The following PGR variants were observed in gnomAD, a reference collection of about 807,000 sequenced individuals.
The protein encoded by PGR is nuclear receptor subfamily 3 group C member 3.
PGR carries 25 observed loss-of-function variants against 76.1 expected under a neutral mutation model. The observed-to-expected ratio is 0.33, with a 90% CI of 0.24 to 0.46. PGR has a LOEUF of 0.46. PGR is among the 20% of genes least tolerant of loss of function. The pLI, the probability that PGR is intolerant of heterozygous loss-of-function variation, is 1.00. For synonymous variants in PGR, 579 were observed against 535.0 expected (o/e 1.08, Z -1.14); for missense variants, 1,172 against 1,225.3 (o/e 0.96, Z 0.65).
At chr11:101,102,902 T>C (rs2135473658) in intron 2 of PGR, among the ~76,000 whole-genome samples, 2 of 151,836 alleles carry the variant, frequency 1.3e-5, no homozygotes, top group Middle Eastern at 3.4e-3. Flanking sequence ...AGGATGAAAT[T>C]GTTCCACTTC....
At chr11:101,126,228 A>C in intron 1 of PGR, 70 bp from the exon 2 acceptor site, 1 of 1,403,992 alleles carries the variant, frequency 7.1e-7, no homozygotes, top group South Asian at 1.2e-5. Context: ...AGGTTTCTTA[A>C]ACCAGTATTA....
chr11:101,062,188 G>C (rs1203409839), intron 4 of PGR, among the ~76,000 whole-genome samples: 1 of 152,068 alleles, frequency 6.6e-6, no homozygotes. Flanking sequence ...ATAAACCTAA[G>C]CTATTTCTTA....
At chr11:101,080,789 G>T (rs1454916510) in intron 3 of PGR, among the ~76,000 whole-genome samples, 1 of 152,136 alleles carries the variant, frequency 6.6e-6, no homozygotes, top group East Asian at 1.9e-4. Context: ...AAAATCAATA[G>T]TAGCTTCTGG....
rs1207837402 is a variant in PGR at position 101,127,555 on chromosome 11, C to T, written c.1516G>A (p.Gly506Arg). 7 of 1,375,034 alleles carry T rather than the reference C, an allele frequency of 5.1e-6. No homozygotes were observed. The highest frequency in any genetic ancestry group is 1.7e-5 in the South Asian group (1 of 57,340). 85.2% of individuals were successfully genotyped at this position (1,375,034 alleles called of 1,614,324 possible). ...GCAGGGTAGAGCGCGGGGGCCGCCC[C>T]GGCGGCGGCGGCAGAGGCGGAGGTG... ...PSTSASAAAA[G>R]AAPALYPALG... Residue 506 changes from glycine to arginine, a missense_variant, in exon 1 of 8, where the codon GGG (glycine) becomes AGG (arginine). This residue lies in a region of PGR where 893 missense variants were observed against 785.9 expected (regional missense o/e 1.14). Coordinates refer to ENST00000325455, the MANE Select transcript of PGR (RefSeq NM_000926.4).
intron 3 of PGR, among the ~76,000 whole-genome samples, chr11:101,077,662 T>G (rs1861172279): frequency 6.6e-6 from 1 of 152,066 alleles, no homozygotes; most frequent in South Asian, 2.1e-4. Context: ...ACAGAAAAAT[T>G]TTAAGCAAAG....
At chr11:101,127,362 G>C in intron 1 of PGR, 72 bp downstream of exon 1, 1 of 1,223,458 alleles carries the variant, frequency 8.2e-7, no homozygotes, top group South Asian at 1.6e-5. Context: ...GGGGCTGAGG[G>C]TTGGCGGCCG....
At chr11:101,050,082 A>C (rs1478032132) in intron 5 of PGR, 23 bp from the exon 6 acceptor site, 14 of 1,610,934 alleles carry the variant, frequency 8.7e-6, no homozygotes, top group Non-Finnish European at 1.1e-5. Context: ...ACAATACACA[A>C]AAGAAAAAGC....
intron 2 of PGR, among the ~76,000 whole-genome samples, chr11:101,108,312 G>C (rs1325686585): frequency 6.6e-6 from 1 of 151,316 alleles, no homozygotes; most frequent in Non-Finnish European, 1.5e-5. Flanking sequence ...CAGCACTTTG[G>C]GAGGATTGCT....
At chr11:101,126,805 G>C (rs560935122) in intron 1 of PGR, among the ~76,000 whole-genome samples, 1 of 152,064 alleles carries the variant, frequency 6.6e-6, no homozygotes, top group Non-Finnish European at 1.5e-5. Flanking sequence ...ATAAGAAAAC[G>C]GTGCAATGCA....
intron 2 of PGR, among the ~76,000 whole-genome samples, chr11:101,099,569 G>T (rs1861934985): frequency 6.6e-6 from 1 of 152,084 alleles, no homozygotes; most frequent in South Asian, 2.1e-4. Context: ...TTAAAAACTG[G>T]CTCCAGCTAA....
At position 101,127,969 on chromosome 11, in the gene PGR, C is replaced by T. The variant is rs773741495; in HGVS notation, c.1102G>A (p.Glu368Lys). The T allele has an allele frequency of 1.9e-6, 3 of 1,611,970 alleles. No individual in the cohort carries two copies. Among genetic ancestry groups the T allele is most frequent in the East Asian group, 2.2e-5 (1 of 44,748 alleles). Residue 368 changes from glutamate to lysine, a missense_variant, in exon 1 of 8, where the codon GAG (glutamate) becomes AAG (lysine). Physicochemically the swap from Glu to Lys is moderately conservative, Grantham distance 56 (BLOSUM62 1). Coordinates refer to ENST00000325455, the MANE Select transcript of PGR (RefSeq NM_000926.4). Reference protein sequence around the residue: ...FPDCAYPPDAEPKDDAYPLYS... With the variant: ...FPDCAYPPDAKPKDDAYPLYS... ...AGAGGGTACGCGTCGTCCTTGGGCT[C>T]GGCGTCGGGCGGGTACGCGCAGTCG...
At chr11:101,084,216 G>T (rs984520941) in intron 3 of PGR, among the ~76,000 whole-genome samples, 1 of 152,156 alleles carries the variant, frequency 6.6e-6, no homozygotes, top group South Asian at 2.1e-4. Context: ...TGCCTTGATT[G>T]TAAGTTTCCT....
chr11:101,060,109 C>T (rs1860438301), intron 4 of PGR, among the ~76,000 whole-genome samples: 1 of 152,048 alleles, frequency 6.6e-6, no homozygotes, highest in Admixed American at 6.6e-5. Context: ...AATACAGTTT[C>T]CTATTGTGAA....
chr11:101,083,258 C>T (rs987723328), intron 3 of PGR, among the ~76,000 whole-genome samples: 4 of 152,208 alleles, frequency 2.6e-5, no homozygotes, highest in African/African-American at 9.7e-5. Flanking sequence ...GAAACCTCCA[C>T]CTAGATTTCA....
At position 101,127,639 on chromosome 11, in the gene PGR, G is replaced by T. The variant is rs1286503373; in HGVS notation, c.1432C>A (p.Pro478Thr). Residue 478 changes from proline (P) to threonine (T), a missense_variant, in exon 1 of 8, where the codon CCG becomes ACG. Pro to Thr is a conservative substitution (Grantham distance 38, BLOSUM62 -1). Coordinates refer to ENST00000325455, the MANE Select transcript of PGR (RefSeq NM_000926.4). ...CTCGCGCCCGGCGCCTTGCAGGGCG[G>T]CGGCGCGAACGGGCCCTGCTGGGGC... ...APPQQGPFAP[P>T]PCKAPGASGC... 7.2e-7 allele frequency: 1 copy of T among 1,397,758 alleles called. No individual in the cohort carries two copies. Among genetic ancestry groups the T allele is most frequent in the Admixed American group, 3.1e-5 (1 of 32,190 alleles). The allele number at this position is 1,397,758 out of a possible 1,614,324, so 86.6% of individuals were successfully genotyped here. A position where few individuals can be genotyped will look rare whatever the true frequency, so the allele number is the denominator to read the frequency against.
In PGR at chr11:101,115,769, C is replaced by CA. The variant is rs60883024; in HGVS notation, c.1789+10237dup. ...GGGCTACAGAGCGGGGACTCCCTCT[C>CA]AAAAAAAAAAGATAAGAATAAATGA... On this transcript the variant is annotated intron_variant, in intron 2 of 7. Coordinates refer to ENST00000325455, the MANE Select transcript of PGR (RefSeq NM_000926.4). 2.0e-3 allele frequency among the ~76,000 whole-genome samples: 296 copies of CA among 147,178 alleles called. 2 individuals are homozygous for CA. The highest frequency in any genetic ancestry group is 5.8e-3 in the African/African-American group (234 of 40,176).
intron 3 of PGR, among the ~76,000 whole-genome samples, chr11:101,072,313 A>T (rs1229384659): frequency 2.0e-5 from 3 of 152,212 alleles, no homozygotes; most frequent in Admixed American, 2.0e-4. Flanking sequence ...GCCTTACAAG[A>T]GCTCCTGAAG....
At chr11:101,042,756 A>T (rs1261415682) in intron 6 of PGR, among the ~76,000 whole-genome samples, 2 of 152,214 alleles carry the variant, frequency 1.3e-5, no homozygotes. Flanking sequence ...AAATATTGCA[A>T]CAAAGTGAAT....
intron 2 of PGR, among the ~76,000 whole-genome samples, chr11:101,111,081 T>G (rs1862328308): frequency 6.6e-6 from 1 of 152,216 alleles, no homozygotes; most frequent in Admixed American, 6.5e-5. Flanking sequence ...TTGTGTGACT[T>G]GCTTTATTGC....
Sources: gnomAD v4.1 joint callset for allele counts (sites outside exome capture counted in the v4.1 genomes callset) on GRCh38, gnomAD v4.1.1 for gene constraint, gnomAD v4.1.1 regional missense constraint, MANE v1.5 for transcripts, NCBI Gene and HGNC (gene_info 2026-07-23, HGNC 2026-07-21) for gene names.